Variants in FANCB observed in about 807,000 individuals in gnomAD.
FANCB encodes Fanconi anemia group B protein.
Under a neutral mutation model 38.9 loss-of-function variants are expected in FANCB, and 5 were observed. That is an observed-to-expected ratio of 0.13 (90% confidence interval 0.07 to 0.27). The LOEUF (loss-of-function observed/expected upper bound fraction) is 0.27, where lower values mean the gene tolerates loss of function less well. FANCB is among the 10% of genes least tolerant of loss of function. The pLI, the probability that FANCB is intolerant of heterozygous loss-of-function variation, is 1.00. For missense variants in FANCB, 573 were observed against 602.7 expected (o/e 0.95, Z 0.52); for synonymous variants, 236 against 215.4 (o/e 1.10, Z -0.84).
rs373141774 is a variant in FANCB, at chrX:14,844,522, T to A, written c.2146A>T (p.Ile716Phe). Residue 716 changes from isoleucine (I) to phenylalanine (F), a missense_variant, in exon 9 of 10, where the codon ATT becomes TTT. Ile to Phe is a conservative substitution (Grantham distance 21). Transcript: ENST00000650831. Reference protein sequence around the residue: ...TWKQRTPFEGILIIYSRNQTV... With the variant: ...TWKQRTPFEGFLIIYSRNQTV... ...CATTACCTGGAATAGATTATTAAAATCCCTTCGAATGGTGTTCTCTGTTTC... is the reference window on the plus strand; with the variant it reads ...CATTACCTGGAATAGATTATTAAAAACCCTTCGAATGGTGTTCTCTGTTTC... The A allele has an allele frequency of 1.1e-5, 13 of 1,194,804 alleles. No individual in the cohort carries two copies. The highest frequency in any genetic ancestry group is 1.4e-5 in the Non-Finnish European group (12 of 881,365).
At chrX:14,864,205 T>C (rs995495272) in intron 3 of FANCB, among the ~76,000 whole-genome samples, 2 of 111,927 alleles carry the variant, frequency 1.8e-5, no homozygotes, top group African/African-American at 6.5e-5. Flanking sequence ...GGCTTATCTA[T>C]CTAGTCAAAT....
At chrX:14,799,640 G>A in the FANCB span, among the ~76,000 whole-genome samples, 3 of 111,976 alleles carry the variant, frequency 2.7e-5, no homozygotes, top group Admixed American at 9.5e-5. Flanking sequence ...TAATATAGAC[G>A]TTAAAGGTGA....
downstream of FANCB, chrX:14,834,619 C>T (rs1007580931): frequency 3.5e-6 from 2 of 578,194 alleles, no homozygotes; most frequent in Non-Finnish European, 5.9e-6. Context: ...GCTTTAACGT[C>T]TTCTACAGAA....
chrX:14,796,500 T>A, the FANCB span, among the ~76,000 whole-genome samples: 1 of 97,209 alleles, frequency 1.0e-5, no homozygotes, highest in Non-Finnish European at 2.0e-5. Context: ...ATTATATATA[T>A]AACATATATA....
the FANCB span, among the ~76,000 whole-genome samples, chrX:14,691,468 TA>T: frequency 1.8e-4 from 20 of 112,121 alleles, no homozygotes; most frequent in Admixed American, 1.9e-3. Flanking sequence ...ACTTAAACTT[TA>T]GTGCAGAATT....
At chrX:14,773,626 AAGGAATACTGAACCTTTAT>A in the FANCB span, among the ~76,000 whole-genome samples, 1 of 111,918 alleles carries the variant, frequency 8.9e-6, no homozygotes, top group Admixed American at 9.4e-5. Flanking sequence ...GAGGGGAGGA[AAGGAATACTGAACCTTTAT>A]ATTGTTAAGT....
At chrX:14,789,254 G>A in the FANCB span, among the ~76,000 whole-genome samples, 2 of 111,403 alleles carry the variant, frequency 1.8e-5, no homozygotes, top group East Asian at 5.7e-4. Flanking sequence ...TCACAAGGAA[G>A]AGATTTTATT....
chrX:14,779,054 A>G, the FANCB span, among the ~76,000 whole-genome samples: 1 of 111,807 alleles, frequency 8.9e-6, no homozygotes, highest in African/African-American at 3.3e-5. Flanking sequence ...CTTTGAGAGT[A>G]TAAAAGTCCA....
chrX:14,702,848 C>A, the FANCB span, among the ~76,000 whole-genome samples: 1 of 111,346 alleles, frequency 9.0e-6, no homozygotes, highest in Non-Finnish European at 1.9e-5. Flanking sequence ...GGTGGCTCCT[C>A]ACAGCATGAA....
At chrX:14,719,910 G>T in the FANCB span, among the ~76,000 whole-genome samples, 1 of 111,844 alleles carries the variant, frequency 8.9e-6, no homozygotes. Flanking sequence ...GATGAGTCTG[G>T]AGGACATTAT....
the FANCB span, among the ~76,000 whole-genome samples, chrX:14,821,958 G>T: frequency 4.5e-5 from 5 of 111,971 alleles, no homozygotes; most frequent in African/African-American, 1.6e-4. Context: ...AAAATCCTTT[G>T]AAGAGACGGG....
the FANCB span, among the ~76,000 whole-genome samples, chrX:14,771,349 C>T: frequency 7.3e-3 from 812 of 111,371 alleles, 2 homozygotes; most frequent in South Asian, 0.027. Flanking sequence ...TCTTTTATCT[C>T]TTTTCTTGTC....
At chrX:14,692,243 G>T in the FANCB span, among the ~76,000 whole-genome samples, 1 of 112,270 alleles carries the variant, frequency 8.9e-6, no homozygotes, top group South Asian at 3.7e-4. Flanking sequence ...CCTCTTTGCT[G>T]TACATTACCT....
the FANCB span, among the ~76,000 whole-genome samples, chrX:14,802,630 G>C: frequency 9.0e-6 from 1 of 111,551 alleles, no homozygotes; most frequent in Non-Finnish European, 1.9e-5. Flanking sequence ...GATATGGTGG[G>C]GACCTAAGGA....
chrX:14,691,974 A>T, the FANCB span, among the ~76,000 whole-genome samples: 5 of 112,234 alleles, frequency 4.5e-5, no homozygotes, highest in South Asian at 1.8e-3. Context: ...AAACAAAAAT[A>T]TTTCACAGTC....
chrX:14,744,907 TA>T, the FANCB span, among the ~76,000 whole-genome samples: 2 of 110,806 alleles, frequency 1.8e-5, no homozygotes, highest in African/African-American at 3.3e-5. Flanking sequence ...TATCTCAAGG[TA>T]ACTTTTAATG....
chrX:14,724,937 AT>A, the FANCB span, among the ~76,000 whole-genome samples: 109 of 111,527 alleles, frequency 9.8e-4, no homozygotes, highest in Non-Finnish European at 1.9e-3. Context: ...AATGGAAGCC[AT>A]TTGGGATTTG....
chrX:14,809,513 G>A, the FANCB span, among the ~76,000 whole-genome samples: 39 of 111,393 alleles, frequency 3.5e-4, no homozygotes, highest in Admixed American at 2.7e-3. Flanking sequence ...AAAAAACGGC[G>A]CACCAGGAGA....
the FANCB span, among the ~76,000 whole-genome samples, chrX:14,780,132 C>T: frequency 9.0e-6 from 1 of 110,592 alleles, no homozygotes; most frequent in South Asian, 3.7e-4. Flanking sequence ...CTTGTGTTCC[C>T]GAAGCCTGGG....
Sources: gnomAD v4.1 joint callset for allele counts (sites outside exome capture counted in the v4.1 genomes callset) on GRCh38, gnomAD v4.1.1 for gene constraint, MANE v1.5 for transcripts, NCBI Gene and HGNC (gene_info 2026-07-23, HGNC 2026-07-21) for gene names.